The following DYSF variants were observed in gnomAD, a reference collection of about 807,000 sequenced individuals.
DYSF encodes dysferlin.
DYSF carries 212 observed loss-of-function variants against 274.9 expected under a neutral mutation model. The ratio of observed to expected loss-of-function variants is 0.77; its 90% CI spans 0.69 to 0.86. DYSF has a LOEUF of 0.86. DYSF is among the 40% of genes least tolerant of loss of function. The pLI is 0.00. For missense variants in DYSF, 2,666 were observed against 2,783.2 expected (o/e 0.96, Z 0.95); for synonymous variants, 1,091 against 1,078.7 (o/e 1.01, Z -0.22).
chr2:71,515,218 T>G lies in DYSF; in HGVS notation c.760-405T>G, dbSNP rs185488647. On this transcript the variant is annotated intron_variant, in intron 7 of 55. Coordinates refer to ENST00000410020, the MANE Select transcript of DYSF (RefSeq NM_001130987.2). ...TCTTATAAAGAATAAAGACTATTTC[T>G]GGGGTCACTTCACTGTGTAAGTTCG... Among the ~76,000 whole-genome samples, 84 of 152,346 alleles carry G rather than the reference T, an allele frequency of 5.5e-4. 1 individual carries two copies. In the East Asian group the frequency reaches 9.5e-3, roughly 17 times the overall value.
chr2:71,662,291 A>G (rs1048601443), intron 45 of DYSF, among the ~76,000 whole-genome samples: 2 of 152,182 alleles, frequency 1.3e-5, no homozygotes, highest in African/African-American at 4.8e-5. Flanking sequence ...TTTTCTGCTC[A>G]CATTGAGCTC....
At chr2:71,585,889 C>T (rs552330832) in intron 30 of DYSF, among the ~76,000 whole-genome samples, 16 of 152,198 alleles carry the variant, frequency 1.1e-4, no homozygotes, top group Admixed American at 2.0e-4. Context: ...GGAGGGGTAC[C>T]TAACACATCC....
chr2:71,477,113 G>A (rs905444228), intron 1 of DYSF, among the ~76,000 whole-genome samples: 3 of 152,054 alleles, frequency 2.0e-5, no homozygotes, highest in Non-Finnish European at 2.9e-5. Flanking sequence ...AATAACAAAC[G>A]ACGTTCCATG....
chr2:71,638,984 A>G (rs2094448559), intron 41 of DYSF, among the ~76,000 whole-genome samples: 1 of 152,192 alleles, frequency 6.6e-6, no homozygotes. Flanking sequence ...CTATGTCTTC[A>G]CCAACACTTA....
At chr2:71,504,140 C>T (rs1020241150) in intron 4 of DYSF, among the ~76,000 whole-genome samples, 10 of 152,134 alleles carry the variant, frequency 6.6e-5, no homozygotes, top group Non-Finnish European at 1.2e-4. Context: ...CTGAATGGAA[C>T]GAGACTGGAT....
intron 3 of DYSF, 73 bp downstream of exon 3, chr2:71,482,043 A>G (rs569137515): frequency 1.3e-5 from 17 of 1,264,062 alleles, no homozygotes; most frequent in Non-Finnish European, 1.8e-5. Context: ...AGACTGCAGA[A>G]TCCCAGGCCC....
In DYSF at chr2:71,667,502, C is replaced by G; in HGVS notation, c.5444C>G (p.Pro1815Arg). ...ESRPLYSPLQ[P>R]DIEQGKLQMW... is the part of the protein sequence containing the mutation. Reference sequence around the variant, plus strand: ...CGGCCCCTCTACAGCCCCCTGCAGCCAGACATCGAGCAGGTAGGACCTTGA... The same window carrying G: ...CGGCCCCTCTACAGCCCCCTGCAGCGAGACATCGAGCAGGTAGGACCTTGA... The change falls in exon 48 of 56, where the codon CCA (proline) becomes CGA (arginine). Residue 1815 changes from proline to arginine, a missense_variant. Physicochemically the swap from Pro to Arg is moderately radical, Grantham distance 103 (BLOSUM62 -2). This residue lies in a region of DYSF where 1,460 missense variants were observed against 1,502.1 expected (regional missense o/e 0.97). Transcript: ENST00000410020. The G allele has an allele frequency of 6.2e-7, 1 of 1,614,136 alleles. No homozygotes were observed. The highest frequency in any genetic ancestry group is 8.5e-7 in the Non-Finnish European group (1 of 1,180,010).
intron 42 of DYSF, among the ~76,000 whole-genome samples, chr2:71,654,840 A>C (rs2094737839): frequency 1.3e-5 from 2 of 152,160 alleles, no homozygotes; most frequent in Non-Finnish European, 2.9e-5. Flanking sequence ...GCACTTTGGG[A>C]GGATGAAGTG....
intron 41 of DYSF, 89 bp from the exon 42 acceptor site, chr2:71,643,876 C>T: frequency 9.7e-7 from 1 of 1,030,994 alleles, no homozygotes; most frequent in Non-Finnish European, 1.5e-6. Flanking sequence ...CCAGAGCGGC[C>T]TAGCAGCGGA....
At chr2:71,517,899 A>G (rs1195704840) in intron 10 of DYSF, among the ~76,000 whole-genome samples, 3 of 152,142 alleles carry the variant, frequency 2.0e-5, no homozygotes, top group East Asian at 3.9e-4. Flanking sequence ...CTTATTTCCA[A>G]CAAGCAGAAT....
At chr2:71,641,235 G>C (rs2094480608) in intron 41 of DYSF, among the ~76,000 whole-genome samples, 1 of 139,642 alleles carries the variant, frequency 7.2e-6, no homozygotes, top group Non-Finnish European at 1.5e-5. Context: ...TGGGAGTGCA[G>C]TGGCGCAATC....
At chr2:71,537,351 T>G (rs2089485512) in intron 16 of DYSF, among the ~76,000 whole-genome samples, 1 of 149,136 alleles carries the variant, frequency 6.7e-6, no homozygotes. Flanking sequence ...GTTCAAGCGA[T>G]TCTCCTGCCT....
chr2:71,597,695 CA>C (rs2093439610), intron 32 of DYSF, among the ~76,000 whole-genome samples: 1 of 152,170 alleles, frequency 6.6e-6, no homozygotes, highest in East Asian at 1.9e-4. Context: ...GGCTGGGTCC[CA>C]GGGTGGCGTG....
chr2:71,530,330 G>C (rs951622675), intron 14 of DYSF, among the ~76,000 whole-genome samples: 6 of 152,200 alleles, frequency 3.9e-5, no homozygotes, highest in Non-Finnish European at 1.5e-5. Context: ...GTATTTCGAT[G>C]GTGGCTAGAA....
At chr2:71,631,026 G>A (rs1458299986) in intron 41 of DYSF, among the ~76,000 whole-genome samples, 1 of 152,208 alleles carries the variant, frequency 6.6e-6, no homozygotes, top group Non-Finnish European at 1.5e-5. Flanking sequence ...TTCTCTAAGG[G>A]CAGCCCTATT....
chr2:71,489,518 T>A (rs1286367686), intron 3 of DYSF, among the ~76,000 whole-genome samples: 1 of 152,208 alleles, frequency 6.6e-6, no homozygotes, highest in Non-Finnish European at 1.5e-5. Flanking sequence ...CTTGGTGCCA[T>A]CTGGGCGGAG....
chr2:71,465,891 T>C (rs1161772832), upstream of DYSF, among the ~76,000 whole-genome samples: 4 of 152,178 alleles, frequency 2.6e-5, no homozygotes, highest in African/African-American at 9.7e-5. Flanking sequence ...CTTGAACAGC[T>C]TTCCACTGTG....
At chr2:71,487,947 A>T (rs1033902113) in intron 3 of DYSF, among the ~76,000 whole-genome samples, 37 of 152,222 alleles carry the variant, frequency 2.4e-4, no homozygotes, top group African/African-American at 7.5e-4. Context: ...TAATGGCTGA[A>T]ACTGCACATG....
chr2:71,545,500 T>C (rs546136104), intron 17 of DYSF, among the ~76,000 whole-genome samples: 1 of 152,274 alleles, frequency 6.6e-6, no homozygotes, highest in South Asian at 2.1e-4. Flanking sequence ...CTAATTGCTG[T>C]TCAGATAGTT....
Sources: gnomAD v4.1 joint callset for allele counts (sites outside exome capture counted in the v4.1 genomes callset) on GRCh38, gnomAD v4.1.1 for gene constraint, gnomAD v4.1.1 regional missense constraint, MANE v1.5 for transcripts, NCBI Gene and HGNC (gene_info 2026-07-23, HGNC 2026-07-21) for gene names.